DAPK1: variants seen among roughly 807,000 people sequenced by gnomAD.
DAPK1 encodes the protein death-associated protein kinase 1.
In DAPK1, 56 loss-of-function variants were observed where a neutral mutation model predicts 144.9. The observed-to-expected ratio is 0.39, with a 90% CI of 0.31 to 0.48. DAPK1 has a LOEUF of 0.48. DAPK1 is among the 20% of genes least tolerant of loss of function. DAPK1 has a pLI of 0.95. For missense variants in DAPK1, 1,454 were observed against 1,875.4 expected, an observed-to-expected ratio of 0.78 and a Z score of 4.15; for synonymous variants, 690 against 749.0, an observed-to-expected ratio of 0.92 and a Z score of 1.29.
At position 87,707,587 on chromosome 9, in the gene DAPK1, C is replaced by G; in HGVS notation, c.*223C>G. On this transcript the variant is annotated 3_prime_UTR_variant, in exon 26 of 26. Coordinates refer to ENST00000408954, the MANE Select transcript of DAPK1 (RefSeq NM_004938.4). The surrounding 1 kb of genome is among the most constrained non-coding windows in gnomAD (Gnocchi z 4.0). ...ATTGCAGTTTAAGAGCAGAACAGAT[C>G]TTTTACTTTGGCCGCTTGAAAAGCT... The G allele has an allele frequency of 1.7e-6, 1 of 576,744 alleles. No individual in the cohort carries two copies. Among genetic ancestry groups the G allele is most frequent in the East Asian group, 2.9e-5 (1 of 34,304 alleles). The allele number at this position is 576,744 out of a possible 1,614,324, so 35.7% of individuals were successfully genotyped here. A position where few individuals can be genotyped will look rare whatever the true frequency, so the allele number is the denominator to read the frequency against.
chr9:87,536,732 C>G (rs1825873559), intron 2 of DAPK1, among the ~76,000 whole-genome samples: 1 of 152,048 alleles, frequency 6.6e-6, no homozygotes, highest in South Asian at 2.1e-4. Context: ...GCTACTTTTC[C>G]TATGTTATTT....
intron 2 of DAPK1, among the ~76,000 whole-genome samples, chr9:87,563,490 T>G (rs1403550519): frequency 6.6e-6 from 1 of 152,202 alleles, no homozygotes; most frequent in Non-Finnish European, 1.5e-5. Flanking sequence ...ACTCCCCGTA[T>G]TCCCTGAATT....
At chr9:87,704,547 CTG>C (rs1387768496) in intron 25 of DAPK1, among the ~76,000 whole-genome samples, 1 of 151,862 alleles carries the variant, frequency 6.6e-6, no homozygotes, top group Non-Finnish European at 1.5e-5. Flanking sequence ...CCTTCTGACT[CTG>C]TTTTCTGGCC....
At chr9:87,680,197 G>A (rs545883331) in intron 19 of DAPK1, among the ~76,000 whole-genome samples, 29 of 151,976 alleles carry the variant, frequency 1.9e-4, no homozygotes, top group Non-Finnish European at 2.8e-4. Context: ...CTCCACCTCC[G>A]AGGTTCACAC....
At chr9:87,682,556 G>A (rs1286440372) in intron 20 of DAPK1, among the ~76,000 whole-genome samples, 1 of 152,190 alleles carries the variant, frequency 6.6e-6, no homozygotes, top group Non-Finnish European at 1.5e-5. Context: ...AGCATGGGTA[G>A]CTGCGGAGAG....
At chr9:87,678,599 A>C (rs1375204937) in intron 19 of DAPK1, among the ~76,000 whole-genome samples, 1 of 152,238 alleles carries the variant, frequency 6.6e-6, no homozygotes, top group Non-Finnish European at 1.5e-5. Context: ...TGGATAACTC[A>C]GTATATATTA....
intron 2 of DAPK1, among the ~76,000 whole-genome samples, chr9:87,573,088 A>G (rs1284898119): frequency 1.3e-5 from 2 of 152,254 alleles, no homozygotes; most frequent in Non-Finnish European, 2.9e-5. Flanking sequence ...CCACACGGAC[A>G]GCACCCAGCC....
intron 18 of DAPK1, among the ~76,000 whole-genome samples, chr9:87,662,544 G>GTT (rs1044297583): frequency 2.5e-4 from 19 of 77,184 alleles, no homozygotes; most frequent in Non-Finnish European, 4.2e-4. Context: ...CACCTCCTTG[G>GTT]TTAAATATAT....
intron 2 of DAPK1, among the ~76,000 whole-genome samples, chr9:87,502,744 C>G (rs146362363): frequency 1.2e-3 from 179 of 152,294 alleles, no homozygotes; most frequent in African/African-American, 4.1e-3. Context: ...TGTCCATGAC[C>G]ATAGACTGCC....
chr9:87,610,703 C>A, intron 3 of DAPK1, among the ~76,000 whole-genome samples: 1 of 152,210 alleles, frequency 6.6e-6, no homozygotes, highest in Non-Finnish European at 1.5e-5. Context: ...CAGGGATGCA[C>A]CAGCCGTGGA....
At chr9:87,616,556 G>T (rs1829103583) in intron 3 of DAPK1, among the ~76,000 whole-genome samples, 2 of 152,174 alleles carry the variant, frequency 1.3e-5, no homozygotes, top group Admixed American at 1.3e-4. Flanking sequence ...GAGTATCAGG[G>T]TTTGGGTCAG....
chr9:87,630,315 A>G (rs1303110993), intron 3 of DAPK1, among the ~76,000 whole-genome samples: 2 of 152,220 alleles, frequency 1.3e-5, no homozygotes, highest in African/African-American at 4.8e-5. Flanking sequence ...GTGATTAAAT[A>G]GTTTTATTAT....
Position 87,567,868 on chromosome 9 carries a change from C to T in DAPK1, c.63-37086C>T, listed in dbSNP as rs563747577. On this transcript the variant is annotated intron_variant, in intron 2 of 25. Coordinates refer to ENST00000408954, the MANE Select transcript of DAPK1 (RefSeq NM_004938.4). Reference sequence around the variant, plus strand: ...GCTAGCGATCGTTTCCATGGGCATACTGCTCCATCATTTCCAAATGCTTTC... The same window carrying T: ...GCTAGCGATCGTTTCCATGGGCATATTGCTCCATCATTTCCAAATGCTTTC... Among the ~76,000 whole-genome samples, 10 of 152,348 alleles carry T rather than the reference C, an allele frequency of 6.6e-5. No individual in the cohort carries two copies. The South Asian group carries it at 1.7e-3, about 25-fold the overall frequency.
At chr9:87,570,829 G>A (rs780936792) in intron 2 of DAPK1, among the ~76,000 whole-genome samples, 5 of 152,216 alleles carry the variant, frequency 3.3e-5, no homozygotes, top group Admixed American at 6.5e-5. Flanking sequence ...ATAGGGTGTC[G>A]AGTAAGAGTC....
chr9:87,576,173 C>T (rs553751268), intron 2 of DAPK1, among the ~76,000 whole-genome samples: 6 of 152,294 alleles, frequency 3.9e-5, no homozygotes, highest in East Asian at 1.9e-4. Context: ...CGTGCACACA[C>T]GCATGCACAC....
At chr9:87,533,943 G>A (rs911758313) in intron 2 of DAPK1, among the ~76,000 whole-genome samples, 1 of 152,194 alleles carries the variant, frequency 6.6e-6, no homozygotes, top group African/African-American at 2.4e-5. Context: ...GATTACAGGT[G>A]TGAGCCACTG....
chr9:87,565,081 A>C (rs1827066319), intron 2 of DAPK1, among the ~76,000 whole-genome samples: 1 of 152,192 alleles, frequency 6.6e-6, no homozygotes, highest in South Asian at 2.1e-4. Context: ...TGTGCTGTGG[A>C]AATTCCCAGA....
intron 2 of DAPK1, among the ~76,000 whole-genome samples, chr9:87,591,871 C>T (rs1828146243): frequency 6.6e-6 from 1 of 152,194 alleles, no homozygotes; most frequent in Admixed American, 6.5e-5. Flanking sequence ...CCTGGAAGTC[C>T]AGTTGCCTTC....
At chr9:87,652,270 C>T (rs1318378546) in intron 17 of DAPK1, among the ~76,000 whole-genome samples, 9 of 95,396 alleles carry the variant, frequency 9.4e-5, no homozygotes, top group Admixed American at 4.9e-4. Context: ...TCCATCCCCC[C>T]GATCCCGGGT....
Sources: allele counts gnomAD v4.1 joint callset (sites outside exome capture counted in the v4.1 genomes callset), GRCh38; gene constraint gnomAD v4.1.1; non-coding constraint Gnocchi (gnomAD v3.1); transcripts MANE v1.5; gene names NCBI Gene and HGNC (gene_info 2026-07-23, HGNC 2026-07-21).